The following TCEA3 variants were observed in gnomAD, a reference collection of about 807,000 sequenced individuals.
The protein encoded by TCEA3 is transcription elongation factor A3.
Under a neutral mutation model 44.0 loss-of-function variants are expected in TCEA3, and 36 were observed. The observed-to-expected ratio is 0.82, with a 90% CI of 0.63 to 1.08. The LOEUF (loss-of-function observed/expected upper bound fraction) is 1.08, where lower values mean the gene tolerates loss of function less well. Ranked by LOEUF, TCEA3 falls within the 50% of genes least tolerant of loss-of-function variation. TCEA3 has a pLI of 0.00. For missense variants in TCEA3, 392 were observed against 441.2 expected, an observed-to-expected ratio of 0.89 and a Z score of 1.00; for synonymous variants, 162 against 159.7, an observed-to-expected ratio of 1.01 and a Z score of -0.11.
chr1:23,424,229 A>G (rs1640151422), intron 1 of TCEA3, among the ~76,000 whole-genome samples: 1 of 145,590 alleles, frequency 6.9e-6, no homozygotes, highest in East Asian at 2.2e-4. Context: ...GGGACTCCCA[A>G]AGTCCTTTCC....
intron 5 of TCEA3, chr1:23,403,860 G>A (rs973227095): frequency 1.4e-5 from 7 of 511,990 alleles, no homozygotes; most frequent in African/African-American, 1.1e-4. Flanking sequence ...CCGCCTCCCC[G>A]GTTAGGAGCT....
At chr1:23,383,271 C>T (rs1158642142) in intron 10 of TCEA3, among the ~76,000 whole-genome samples, 2 of 103,100 alleles carry the variant, frequency 1.9e-5, no homozygotes, top group Admixed American at 1.2e-4. Flanking sequence ...CAGAGCGAGA[C>T]TCCATCTCAA....
intron 8 of TCEA3, among the ~76,000 whole-genome samples, chr1:23,391,148 C>CTTTTTTTTTTTTTTTTTTT (rs59905045): frequency 1.6e-5 from 2 of 126,388 alleles, no homozygotes; most frequent in Non-Finnish European, 3.4e-5. Flanking sequence ...TTCTTTCTTT[C>CTTTTTTTTTTTTTTTTTTT]TTTTTTTTTT....
chr1:23,417,492 T>G, intron 3 of TCEA3, 102 bp from the exon 4 acceptor site: 3 of 1,467,138 alleles, frequency 2.0e-6, no homozygotes, highest in Non-Finnish European at 2.7e-6. Flanking sequence ...CGAGGACAGC[T>G]GCACACACAC....
intron 1 of TCEA3, among the ~76,000 whole-genome samples, chr1:23,423,098 C>T (rs988031855): frequency 1.3e-5 from 2 of 152,196 alleles, no homozygotes; most frequent in Non-Finnish European, 2.9e-5. Context: ...AATGCTCCCC[C>T]AAGACTTGTG....
chr1:23,381,416 CA>C lies in TCEA3; in HGVS notation c.*49del. ...TATTGCTTCTCCAGTTCAGATAATT[CA>C]GCGCTTCCTCTTTCTTCTTCCTCAC... is the stretch of plus-strand genomic sequence containing the variant. On this transcript the variant is annotated 3_prime_UTR_variant, in exon 11 of 11. Transcript: ENST00000450454. 1.3e-6 allele frequency: 1 copy of C among 779,512 alleles called. No individual in the cohort carries two copies. The highest frequency in any genetic ancestry group is 2.4e-6 in the Non-Finnish European group (1 of 417,668). 48.3% of individuals were successfully genotyped at this position (779,512 alleles called of 1,614,324 possible).
chr1:23,392,416 A>ATC (rs1558030260), intron 8 of TCEA3, among the ~76,000 whole-genome samples: 10 of 3,192 alleles, frequency 3.1e-3, no homozygotes, highest in Admixed American at 5.3e-3. Flanking sequence ...CATCATGCAC[A>ATC]ATACACACAC....
intron 5 of TCEA3, chr1:23,403,859 C>G (rs963426152): frequency 1.9e-6 from 1 of 513,210 alleles, no homozygotes; most frequent in South Asian, 2.5e-5. Flanking sequence ...CCCGCCTCCC[C>G]GGTTAGGAGC....
intron 4 of TCEA3, among the ~76,000 whole-genome samples, chr1:23,416,169 G>A (rs1044859209): frequency 1.3e-5 from 2 of 151,898 alleles, no homozygotes; most frequent in African/African-American, 2.4e-5. Context: ...ACCACACCCA[G>A]CTAATTTTGT....
At chr1:23,392,336 T>TCATACA (rs1164393447) in intron 8 of TCEA3, among the ~76,000 whole-genome samples, 1 of 78,724 alleles carries the variant, frequency 1.3e-5, no homozygotes, top group Non-Finnish European at 2.6e-5. Flanking sequence ...TCACATGACA[T>TCATACA]CATACACACA....
At chr1:23,407,510 G>A (rs1639577205) in intron 5 of TCEA3, among the ~76,000 whole-genome samples, 1 of 151,970 alleles carries the variant, frequency 6.6e-6, no homozygotes, top group Non-Finnish European at 1.5e-5. Context: ...ACTCTGCCAG[G>A]CACACCCCCA....
At chr1:23,407,810 G>A (rs1360370844) in intron 5 of TCEA3, among the ~76,000 whole-genome samples, 1 of 151,924 alleles carries the variant, frequency 6.6e-6, no homozygotes, top group Non-Finnish European at 1.5e-5. Context: ...CACATAATAG[G>A]CCCTCAATAA....
chr1:23,383,050 C>T (rs537428728), intron 10 of TCEA3, among the ~76,000 whole-genome samples: 5 of 152,234 alleles, frequency 3.3e-5, no homozygotes, highest in South Asian at 2.1e-4. Flanking sequence ...GAGGCCGAGG[C>T]GGGCGGATCA....
chr1:23,382,049 A>T (rs1203230251), intron 10 of TCEA3, among the ~76,000 whole-genome samples: 1 of 144,178 alleles, frequency 6.9e-6, no homozygotes, highest in Non-Finnish European at 1.5e-5. Context: ...ATCACTCCCA[A>T]TTTTTTTTTT....
intron 4 of TCEA3, among the ~76,000 whole-genome samples, chr1:23,410,503 C>A (rs1405537934): frequency 6.6e-6 from 1 of 151,860 alleles, no homozygotes; most frequent in African/African-American, 2.4e-5. Context: ...AAGATTAGAC[C>A]GTAAGAAAAT....
intron 2 of TCEA3, among the ~76,000 whole-genome samples, chr1:23,418,715 A>C (rs1350168768): frequency 1.3e-5 from 2 of 152,028 alleles, no homozygotes; most frequent in Non-Finnish European, 2.9e-5. Flanking sequence ...GCTTTTGGTA[A>C]ATCTGGGGAC....
intron 8 of TCEA3, among the ~76,000 whole-genome samples, chr1:23,393,034 T>G (rs557965774): frequency 7.9e-5 from 12 of 152,258 alleles, no homozygotes; most frequent in Non-Finnish European, 1.0e-4. Context: ...CTTGTTTTCC[T>G]GCAACTAGAT....
chr1:23,417,861 C>T (rs536398786), intron 3 of TCEA3, 43 bp downstream of exon 3: 9 of 1,581,896 alleles, frequency 5.7e-6, no homozygotes, highest in South Asian at 2.2e-5. Context: ...GTCCCAAGTG[C>T]TAGGAGAAAA....
At chr1:23,419,165 TG>T in intron 1 of TCEA3, 26 bp from the exon 2 acceptor site, 1 of 1,559,562 alleles carries the variant, frequency 6.4e-7, no homozygotes, top group Non-Finnish European at 8.7e-7. Flanking sequence ...AGGTGAGGAC[TG>T]GGGCCTGGGT....
Sources: allele counts gnomAD v4.1 joint callset (sites outside exome capture counted in the v4.1 genomes callset), GRCh38; gene constraint gnomAD v4.1.1; transcripts MANE v1.5; gene names NCBI Gene and HGNC (gene_info 2026-07-23, HGNC 2026-07-21).